ASMT: variants seen among roughly 807,000 people sequenced by gnomAD.
ASMT encodes the protein acetylserotonin N-methyltransferase.
In ASMT, 53 loss-of-function variants were observed where a neutral mutation model predicts 41.3. The observed-to-expected ratio is 1.28, with a 90% CI of 1.03 to 1.61. The LOEUF (loss-of-function observed/expected upper bound fraction) is 1.61. ASMT is among the 40% of genes most tolerant of loss of function. ASMT has a pLI of 0.00. For missense variants in ASMT, 531 were observed against 441.3 expected (o/e 1.20, Z -1.82); for synonymous variants, 231 against 184.8 (o/e 1.25, Z -2.03).
At chrX:1,628,929 T>C (rs1934663593) in intron 4 of ASMT, among the ~76,000 whole-genome samples, 1 of 120,046 alleles carries the variant, frequency 8.3e-6, no homozygotes. Flanking sequence ...TTTCTCTCTT[T>C]CTTTCTCTCT....
At chrX:1,629,244 G>A (rs1228361505) in intron 4 of ASMT, among the ~76,000 whole-genome samples, 9 of 152,116 alleles carry the variant, frequency 5.9e-5, no homozygotes, top group Non-Finnish European at 1.3e-4. Flanking sequence ...TACCTAAGAG[G>A]CAATTTTTCA....
chrX:1,624,147 C>G, intron 2 of ASMT, 122 bp from the exon 3 acceptor site: 2 of 1,349,496 alleles, frequency 1.5e-6, no homozygotes, highest in African/African-American at 1.4e-5. Context: ...AAGACCCCAT[C>G]TCTAAAGAAG....
At chrX:1,634,327 A>G (rs1324571150) in intron 7 of ASMT, among the ~76,000 whole-genome samples, 2 of 152,056 alleles carry the variant, frequency 1.3e-5, no homozygotes, top group Non-Finnish European at 2.9e-5. Flanking sequence ...TCCCCCAACA[A>G]CAAGGTTTGA....
chrX:1,630,366 C>T (rs1201622240), intron 5 of ASMT, among the ~76,000 whole-genome samples: 1 of 136,768 alleles, frequency 7.3e-6, no homozygotes, highest in Non-Finnish European at 1.5e-5. Context: ...AGTGCAGTGG[C>T]ACGATCTCGG....
rs1223041642 is a variant in ASMT at position 1,624,214 on chromosome X, C to T, written c.245-55C>T. ...TGTTGTCGAGCTGGGGAGCGTCCGC[C>T]GGCAGGAACTCGGAATCTCACTGCT... On this transcript the variant is annotated intron_variant, in intron 2 of 8. Coordinates refer to ENST00000381241, the MANE Select transcript of ASMT (RefSeq NM_001171038.2). 120 of 1,611,784 alleles carry T rather than the reference C, an allele frequency of 7.4e-5. 1 individual carries two copies. Among genetic ancestry groups the T allele is most frequent in the Middle Eastern group, 5.4e-4 (3 of 5,510 alleles).
In ASMT at chrX:1,629,813, C is replaced by T. The variant is rs1353908716; in HGVS notation, c.444-8C>T. The T allele has an allele frequency of 1.2e-6, 2 of 1,613,536 alleles. No individual in the cohort carries two copies. Among genetic ancestry groups the T allele is most frequent in the Non-Finnish European group, 1.7e-6 (2 of 1,179,622 alleles). On this transcript the variant is annotated splice_region_variant and splice_polypyrimidine_tract_variant and intron_variant, in intron 4 of 8. Transcript: ENST00000381241. ...CACCATCTTGACAAGCGTGGTTTTG[C>T]ATGCCAGGTCCGAGGGCGAGCGGCT...
intron 3 of ASMT, among the ~76,000 whole-genome samples, chrX:1,625,620 GAA>G (rs1194677380): frequency 2.0e-5 from 3 of 148,894 alleles, no homozygotes; most frequent in African/African-American, 4.9e-5. Context: ...AGGAAGGAAA[GAA>G]AGAGAGAGAG....
rs1310481163 is a variant in ASMT, at chrX:1,625,954, C to CAAAAA, written c.374+1571_374+1575dup. ...TGGGCGACAGAGCGAGACTCCATCT[C>CAAAAA]AAAAAAAAAAAAAAAAAAATAGGGG... On this transcript the variant is annotated intron_variant, in intron 3 of 8. Coordinates refer to ENST00000381241, the MANE Select transcript of ASMT (RefSeq NM_001171038.2). 2.5e-4 allele frequency among the ~76,000 whole-genome samples: 25 copies of CAAAAA among 99,238 alleles called. No individual in the cohort carries two copies. The South Asian group carries it at 4.3e-3, about 17-fold the overall frequency. 65.1% of individuals were successfully genotyped at this position (99,238 alleles called of 152,430 possible).
intron 1 of ASMT, among the ~76,000 whole-genome samples, chrX:1,617,658 CA>C (rs1320045879): frequency 6.6e-6 from 1 of 151,544 alleles, no homozygotes; most frequent in Non-Finnish European, 1.5e-5. Context: ...TCTTGTCGCC[CA>C]GGCTGGAGCG....
chrX:1,642,691 A>T (rs1935236493), intron 8 of ASMT, 112 bp from the exon 9 acceptor site: 1 of 946,782 alleles, frequency 1.1e-6, no homozygotes, highest in Admixed American at 1.9e-5. Flanking sequence ...TGTGATGGGG[A>T]CGGTGCCCTG....
At chrX:1,642,453 G>T (rs6644795) in intron 8 of ASMT, among the ~76,000 whole-genome samples, 12,419 of 146,408 alleles carry the variant, frequency 0.085, 607 homozygotes, top group Middle Eastern at 0.26. Flanking sequence ...CAGTGTCCCA[G>T]TGTCCTGAGA....
rs774707989 is a variant in ASMT at position 1,633,305 on chromosome X, G to A, written c.787+15G>A. ...CTTCCAGGAAGGTGTGTTTGTGTCC[G>A]TGGGGAAGCAGAGATGTGTCTCACG... On this transcript the variant is annotated intron_variant, in intron 7 of 8. Coordinates refer to ENST00000381241, the MANE Select transcript of ASMT (RefSeq NM_001171038.2). 60 of 1,613,752 alleles carry A rather than the reference G, an allele frequency of 3.7e-5. No homozygotes were observed. Among genetic ancestry groups the A allele is most frequent in the Middle Eastern group, 3.3e-4 (2 of 6,078 alleles).
intron 3 of ASMT, among the ~76,000 whole-genome samples, chrX:1,626,031 G>A (rs1934537786): frequency 6.6e-6 from 1 of 150,860 alleles, no homozygotes; most frequent in East Asian, 1.9e-4. Flanking sequence ...TTATGTAGAT[G>A]AAATCTCCAG....
At chrX:1,615,406 C>T in intron 1 of ASMT, 138 bp downstream of exon 1, 2 of 893,820 alleles carry the variant, frequency 2.2e-6, no homozygotes, top group Non-Finnish European at 3.7e-6. Flanking sequence ...GACGTACACC[C>T]ACGATGTAGC....
chrX:1,615,301 G>C, intron 1 of ASMT, 33 bp downstream of exon 1: 3 of 1,553,742 alleles, frequency 1.9e-6, no homozygotes, highest in Non-Finnish European at 1.8e-6. Flanking sequence ...AGGGGGAATA[G>C]ACTTCCGTTC....
chrX:1,616,680 G>A (rs1934126536), intron 1 of ASMT, among the ~76,000 whole-genome samples: 1 of 151,180 alleles, frequency 6.6e-6, no homozygotes, highest in Non-Finnish European at 1.5e-5. Context: ...GACCAGTCTG[G>A]GCAACATAGT....
chrX:1,625,013 C>T lies in ASMT; in HGVS notation c.374+615C>T, dbSNP rs1363156528. 2.4e-4 allele frequency among the ~76,000 whole-genome samples: 36 copies of T among 152,098 alleles called. 1 individual carries two copies. The highest frequency in any genetic ancestry group is 2.9e-5 in the Non-Finnish European group (2 of 68,022). ...GTGGGGGCTGCATCCAGGCAGTGAC[C>T]AAGTCTCAGGACTACCGCCAGGGGC... On this transcript the variant is annotated intron_variant, in intron 3 of 8. Coordinates refer to ENST00000381241, the MANE Select transcript of ASMT (RefSeq NM_001171038.2).
At chrX:1,635,451 G>A (rs1421244857) in intron 7 of ASMT, among the ~76,000 whole-genome samples, 1 of 152,114 alleles carries the variant, frequency 6.6e-6, no homozygotes, top group Non-Finnish European at 1.5e-5. Flanking sequence ...TTGACTGTAG[G>A]TTCAGTTCAG....
At chrX:1,634,489 G>C (rs779379281) in intron 7 of ASMT, among the ~76,000 whole-genome samples, 1 of 152,276 alleles carries the variant, frequency 6.6e-6, no homozygotes, top group East Asian at 1.9e-4. Flanking sequence ...TGATCCTATA[G>C]TAAATCCCAC....
Sources: gnomAD v4.1 joint callset for allele counts (sites outside exome capture counted in the v4.1 genomes callset) on GRCh38, gnomAD v4.1.1 for gene constraint, MANE v1.5 for transcripts, NCBI Gene and HGNC (gene_info 2026-07-23, HGNC 2026-07-21) for gene names.